Variants in PTPRK observed in about 807,000 individuals in gnomAD.
PTPRK encodes receptor-type tyrosine-protein phosphatase kappa.
A neutral mutation model predicts 178.0 loss-of-function variants in PTPRK; 75 were observed. That is an observed-to-expected ratio of 0.42 (90% CI 0.35 to 0.51). The LOEUF is 0.51. Ranked by LOEUF, PTPRK falls within the 20% of genes least tolerant of loss-of-function variation. The pLI is 0.02. For synonymous variants in PTPRK, 637 were observed against 620.6 expected (o/e 1.03, Z -0.39); for missense variants, 1,441 against 1,797.8 (o/e 0.80, Z 3.59).
At chr6:128,427,209 A>G (rs1456958225) in intron 1 of PTPRK, among the ~76,000 whole-genome samples, 1 of 152,152 alleles carries the variant, frequency 6.6e-6, no homozygotes, top group Non-Finnish European at 1.5e-5. Context: ...CTTAACCCTC[A>G]CAATTCTTTA....
chr6:128,086,630 T>A (rs2115014418), intron 8 of PTPRK, among the ~76,000 whole-genome samples: 1 of 152,270 alleles, frequency 6.6e-6, no homozygotes, highest in South Asian at 2.1e-4. Context: ...CAGATCATCA[T>A]AATCCATCGA....
intron 1 of PTPRK, among the ~76,000 whole-genome samples, chr6:128,410,398 A>C (rs1842169217): frequency 6.6e-6 from 1 of 152,192 alleles, no homozygotes; most frequent in Non-Finnish European, 1.5e-5. Flanking sequence ...ACAATCTATA[A>C]AAAGGATTGA....
intron 1 of PTPRK, among the ~76,000 whole-genome samples, chr6:128,422,928 T>A (rs1158063267): frequency 6.6e-6 from 1 of 152,198 alleles, no homozygotes; most frequent in African/African-American, 2.4e-5. Flanking sequence ...TTTCCATGAA[T>A]AAACTTTTTC....
chr6:128,386,924 T>G (rs1838824666), intron 2 of PTPRK, among the ~76,000 whole-genome samples: 1 of 151,994 alleles, frequency 6.6e-6, no homozygotes, highest in Non-Finnish European at 1.5e-5. Flanking sequence ...AAAAATTAGC[T>G]GGGCATGGTG....
chr6:128,037,573 T>G (rs530195110), intron 13 of PTPRK, among the ~76,000 whole-genome samples: 1 of 152,216 alleles, frequency 6.6e-6, no homozygotes, highest in Non-Finnish European at 1.5e-5. Context: ...ATTTGGGAAA[T>G]AAGTCTAGCA....
chr6:128,377,216 A>G (rs1357282760), intron 2 of PTPRK, among the ~76,000 whole-genome samples: 1 of 152,220 alleles, frequency 6.6e-6, no homozygotes, highest in Non-Finnish European at 1.5e-5. Flanking sequence ...TAATTTATGC[A>G]GGAAAAAGGG....
At chr6:128,001,786 T>A (rs1348754217) in intron 15 of PTPRK, among the ~76,000 whole-genome samples, 1 of 151,988 alleles carries the variant, frequency 6.6e-6, no homozygotes, top group Non-Finnish European at 1.5e-5. Flanking sequence ...ACTTTACATA[T>A]GTGTAGAAAA....
At chr6:128,147,615 CT>C (rs1796675620) in intron 7 of PTPRK, among the ~76,000 whole-genome samples, 1 of 152,126 alleles carries the variant, frequency 6.6e-6, no homozygotes, top group Admixed American at 6.6e-5. Flanking sequence ...ACAGAGACTT[CT>C]TCCTATCAGC....
intron 7 of PTPRK, among the ~76,000 whole-genome samples, chr6:128,178,703 A>ATCTATC (rs1562734360): frequency 1.0e-4 from 13 of 130,428 alleles, no homozygotes; most frequent in African/African-American, 3.8e-4. Context: ...ATCTATCTAT[A>ATCTATC]TGCATGTTTT....
intron 3 of PTPRK, among the ~76,000 whole-genome samples, chr6:128,308,182 T>C (rs1826716539): frequency 1.3e-5 from 2 of 152,048 alleles, no homozygotes; most frequent in African/African-American, 4.8e-5. Context: ...ATACCATTTA[T>C]AAAACATTTG....
At position 127,993,406 on chromosome 6, in the gene PTPRK, A is replaced by G. The variant is rs139615602; in HGVS notation, c.2845-697T>C. 5.3e-3 allele frequency among the ~76,000 whole-genome samples: 802 copies of G among 151,644 alleles called. 4 individuals carry two copies. Among genetic ancestry groups the G allele is most frequent in the African/African-American group, 0.018 (750 of 41,486 alleles). On this transcript the variant is annotated intron_variant, in intron 18 of 29. Coordinates refer to ENST00000368226, the MANE Select transcript of PTPRK (RefSeq NM_002844.4). ...TAAAAGTTCTGTTGAGGAGGAATAG[A>G]TTTTTAGTTGCTTTCAATTGGTTTG...
At position 128,239,078 on chromosome 6, in the gene PTPRK, T is replaced by TA. The variant is rs144377254; in HGVS notation, c.693+956dup. 5.1e-3 allele frequency among the ~76,000 whole-genome samples: 731 copies of TA among 144,624 alleles called. 4 individuals are homozygous for TA. Among genetic ancestry groups the TA allele is most frequent in the African/African-American group, 0.017 (657 of 39,398 alleles). The allele number at this position is 144,624 out of a possible 152,430, so 94.9% of individuals were successfully genotyped here. ...ACTTTCACCTATCTAAAGGATGTAG[T>TA]AAAAAAAAAATCATGATGCCTATGT... is the stretch of plus-strand genomic sequence containing the variant. On this transcript the variant is annotated intron_variant, in intron 5 of 29. Coordinates refer to ENST00000368226, the MANE Select transcript of PTPRK (RefSeq NM_002844.4).
intron 3 of PTPRK, chr6:128,321,525 C>T: frequency 2.7e-6 from 1 of 363,712 alleles, no homozygotes; most frequent in Non-Finnish European, 4.9e-6. Flanking sequence ...TTAATTTATT[C>T]AATTAATTAA....
chr6:128,410,818 C>T (rs972595900), intron 1 of PTPRK, among the ~76,000 whole-genome samples: 1 of 152,224 alleles, frequency 6.6e-6, no homozygotes, highest in Non-Finnish European at 1.5e-5. Flanking sequence ...TGAGAGCTGA[C>T]TTCCTGCCCA....
intron 13 of PTPRK, among the ~76,000 whole-genome samples, chr6:128,055,069 C>T (rs1180646469): frequency 2.0e-5 from 3 of 152,156 alleles, no homozygotes; most frequent in East Asian, 1.9e-4. Flanking sequence ...AATCCTATCA[C>T]ATCCATCTTT....
chr6:128,405,014 G>GATGATGC (rs1841487559), intron 1 of PTPRK, among the ~76,000 whole-genome samples: 1 of 152,284 alleles, frequency 6.6e-6, no homozygotes, highest in East Asian at 1.9e-4. Context: ...TTGGTAGCAT[G>GATGATGC]ATGATGCTGC....
chr6:128,288,464 T>A (rs1380461187), intron 3 of PTPRK, among the ~76,000 whole-genome samples: 1 of 152,140 alleles, frequency 6.6e-6, no homozygotes, highest in Non-Finnish European at 1.5e-5. Flanking sequence ...ATTTTCAATT[T>A]GTGTGCTGAA....
intron 1 of PTPRK, among the ~76,000 whole-genome samples, chr6:128,446,522 T>G (rs1847055968): frequency 6.6e-6 from 1 of 151,114 alleles, no homozygotes; most frequent in Non-Finnish European, 1.5e-5. Flanking sequence ...TTAAAAATTC[T>G]TTCTGCAAAA....
chr6:128,205,857 T>A (rs2128261445), intron 6 of PTPRK, among the ~76,000 whole-genome samples: 1 of 150,158 alleles, frequency 6.7e-6, no homozygotes, highest in African/African-American at 2.5e-5. Flanking sequence ...GGACATGCCC[T>A]GCTTATTGAC....
Sources: gnomAD v4.1 joint callset for allele counts (sites outside exome capture counted in the v4.1 genomes callset) on GRCh38, gnomAD v4.1.1 for gene constraint, MANE v1.5 for transcripts, NCBI Gene and HGNC (gene_info 2026-07-23, HGNC 2026-07-21) for gene names.